The following EYS variants were observed in gnomAD, a reference collection of about 807,000 sequenced individuals.
EYS encodes EGF-like photoreceptor maintenance factor, also known as protein eyes shut homolog.
EYS carries 250 observed loss-of-function variants against 282.1 expected under a neutral mutation model. The observed-to-expected ratio is 0.89, with a 90% CI of 0.80 to 0.98. EYS has a LOEUF of 0.98. Ranked by LOEUF, EYS falls within the 50% of genes least tolerant of loss-of-function variation. The pLI is 0.00. For missense variants in EYS, 4,016 were observed against 3,709.0 expected (o/e 1.08, Z -2.15); for synonymous variants, 1,355 against 1,282.9 (o/e 1.06, Z -1.20).
intron 32 of EYS, among the ~76,000 whole-genome samples, chr6:64,074,682 A>G (rs537905018): frequency 2.2e-4 from 34 of 151,996 alleles, no homozygotes; most frequent in African/African-American, 8.2e-4. Context: ...ATTAATAGTT[A>G]TAAGTGCAGA....
intron 12 of EYS, among the ~76,000 whole-genome samples, chr6:65,281,956 A>G (rs2150275993): frequency 6.6e-6 from 1 of 152,164 alleles, no homozygotes; most frequent in East Asian, 1.9e-4. Flanking sequence ...TTGATGCATA[A>G]TAGGTTGATT....
intron 33 of EYS, among the ~76,000 whole-genome samples, chr6:64,036,721 C>T (rs1770139772): frequency 6.6e-6 from 1 of 152,116 alleles, no homozygotes; most frequent in African/African-American, 2.4e-5. Context: ...AAGAAGGAGG[C>T]TAAGTAAGAC....
At chr6:64,257,510 T>C (rs1767439448) in intron 30 of EYS, among the ~76,000 whole-genome samples, 1 of 152,052 alleles carries the variant, frequency 6.6e-6, no homozygotes, top group South Asian at 2.1e-4. Context: ...ATTATTAGAA[T>C]TATCTATTTG....
intron 2 of EYS, among the ~76,000 whole-genome samples, chr6:65,620,018 T>G (rs1056315974): frequency 2.6e-5 from 4 of 152,112 alleles, no homozygotes; most frequent in African/African-American, 9.7e-5. Flanking sequence ...AAATTCTCTT[T>G]TTATGTTGTG....
intron 40 of EYS, among the ~76,000 whole-genome samples, chr6:63,764,673 G>A (rs1769739180): frequency 1.3e-5 from 2 of 151,704 alleles, no homozygotes; most frequent in African/African-American, 2.4e-5. Flanking sequence ...ATAGTGTTAT[G>A]GGAATAAAAC....
At chr6:65,482,031 A>G (rs1765625936) in intron 5 of EYS, among the ~76,000 whole-genome samples, 1 of 152,188 alleles carries the variant, frequency 6.6e-6, no homozygotes, top group African/African-American at 2.4e-5. Flanking sequence ...GAAATTTTTC[A>G]TGTTAGTAAT....
chr6:64,076,692 C>T (rs1771781736), intron 32 of EYS, among the ~76,000 whole-genome samples: 1 of 151,790 alleles, frequency 6.6e-6, no homozygotes, highest in African/African-American at 2.4e-5. Context: ...CTCCCCAGCC[C>T]CGTGGAACTG....
intron 41 of EYS, chr6:63,741,956 G>T: frequency 1.4e-6 from 1 of 702,364 alleles, no homozygotes; most frequent in South Asian, 1.5e-5. Context: ...GCTTTTCCAA[G>T]ATCACAATGA....
intron 28 of EYS, among the ~76,000 whole-genome samples, chr6:64,389,610 A>C (rs2150425682): frequency 6.6e-6 from 1 of 152,364 alleles, no homozygotes; most frequent in Non-Finnish European, 1.5e-5. Flanking sequence ...AGAATTGAAT[A>C]ATTGAAACAA....
At chr6:65,517,396 A>C (rs1767182080) in intron 2 of EYS, among the ~76,000 whole-genome samples, 1 of 151,872 alleles carries the variant, frequency 6.6e-6, no homozygotes, top group African/African-American at 2.4e-5. Context: ...AACTAAAATC[A>C]ATCTTCTTAC....
At chr6:64,350,515 T>C (rs976624360) in intron 29 of EYS, among the ~76,000 whole-genome samples, 7 of 151,566 alleles carry the variant, frequency 4.6e-5, no homozygotes, top group Non-Finnish European at 8.9e-5. Flanking sequence ...TGTATGGATC[T>C]GGGCATAAGA....
intron 26 of EYS, among the ~76,000 whole-genome samples, chr6:64,480,661 ATTGTTGAT>A (rs1776411387): frequency 6.6e-6 from 1 of 151,880 alleles, no homozygotes; most frequent in South Asian, 2.1e-4. Context: ...CTGTTTCATT[ATTGTTGAT>A]AGCAGTAAAC....
At chr6:64,598,413 A>T (rs747195056) in intron 24 of EYS, among the ~76,000 whole-genome samples, 2 of 152,246 alleles carry the variant, frequency 1.3e-5, no homozygotes, top group Non-Finnish European at 2.9e-5. Flanking sequence ...GTGAGCCAAG[A>T]TTGCGCCACT....
intron 1 of EYS, among the ~76,000 whole-genome samples, chr6:65,646,874 G>A (rs1290229677): frequency 6.6e-6 from 1 of 152,016 alleles, no homozygotes; most frequent in Non-Finnish European, 1.5e-5. Context: ...TACACCAGCA[G>A]CGACCAAGCT....
chr6:64,951,622 T>C (rs899982676), intron 14 of EYS, among the ~76,000 whole-genome samples: 9 of 151,740 alleles, frequency 5.9e-5, no homozygotes, highest in East Asian at 1.9e-4. Flanking sequence ...AGAAGACAAA[T>C]AGGGAATTCC....
At chr6:64,753,503 T>TAAA (rs75467726) in intron 22 of EYS, among the ~76,000 whole-genome samples, 2 of 132,240 alleles carry the variant, frequency 1.5e-5, no homozygotes, top group Non-Finnish European at 1.7e-5. Flanking sequence ...CAAAAAACAG[T>TAAA]AAAAAAAAAA....
At chr6:64,160,421 T>C (rs1172281076) in intron 31 of EYS, among the ~76,000 whole-genome samples, 1 of 152,156 alleles carries the variant, frequency 6.6e-6, no homozygotes, top group East Asian at 1.9e-4. Context: ...ACCAGATTGG[T>C]TTTAATATTT....
intron 41 of EYS, among the ~76,000 whole-genome samples, chr6:63,737,440 A>C (rs574467039): frequency 6.6e-6 from 1 of 152,276 alleles, no homozygotes; most frequent in South Asian, 2.1e-4. Flanking sequence ...GATGAAGCCC[A>C]CTTGATCATG....
chr6:64,718,771 C>A (rs981482482), intron 22 of EYS, among the ~76,000 whole-genome samples: 1 of 152,060 alleles, frequency 6.6e-6, no homozygotes, highest in Non-Finnish European at 1.5e-5. Context: ...ATACGTGTGG[C>A]GCATTTAGTA....
Sources: gnomAD v4.1 joint callset for allele counts (sites outside exome capture counted in the v4.1 genomes callset) on GRCh38, gnomAD v4.1.1 for gene constraint, MANE v1.5 for transcripts, NCBI Gene and HGNC (gene_info 2026-07-23, HGNC 2026-07-21) for gene names.